Variants in KAT8 observed in about 807,000 individuals in gnomAD.
The protein encoded by KAT8 is lysine acetyltransferase 8, also known as histone acetyltransferase KAT8.
KAT8 carries 40 observed loss-of-function variants against 62.9 expected under a neutral mutation model. The ratio of observed to expected loss-of-function variants is 0.64; its 90% CI spans 0.49 to 0.83. The LOEUF (loss-of-function observed/expected upper bound fraction) is 0.83, where lower values mean the gene tolerates loss of function less well. Ranked by LOEUF, KAT8 falls within the 40% of genes least tolerant of loss-of-function variation. The pLI is 0.00. For synonymous variants in KAT8, 278 were observed against 254.5 expected, an observed-to-expected ratio of 1.09 and a Z score of -0.88; for missense variants, 387 against 614.8, an observed-to-expected ratio of 0.63 and a Z score of 3.92.
rs1410075876 is a variant in KAT8 at position 31,120,176 on chromosome 16, TC to T, written c.212-8del. 2 of 1,613,432 alleles carry T rather than the reference TC, an allele frequency of 1.2e-6. No individual in the cohort carries two copies. Among genetic ancestry groups the T allele is most frequent in the South Asian group, 1.1e-5 (1 of 91,056 alleles). On this transcript the variant is annotated splice_polypyrimidine_tract_variant and intron_variant, in intron 1 of 10. Coordinates refer to ENST00000219797, the MANE Select transcript of KAT8 (RefSeq NM_032188.3). ...ACCTTCCTGATGACCCTAGCCTTTT[TC>T]CATCACAGATTCTGCTGAAGTGATC...
At position 31,131,336 on chromosome 16, in the gene KAT8, T is replaced by G; in HGVS notation, c.*77T>G. The stretch of plus-strand genomic sequence containing the variant: ...ATATGTATAGACCTGTTTTGTCATT[T>G]TTTTAATAAAGTCAGTTCTGGTGGC... On this transcript the variant is annotated 3_prime_UTR_variant, in exon 11 of 11. Coordinates refer to ENST00000219797, the MANE Select transcript of KAT8 (RefSeq NM_032188.3). The G allele has an allele frequency of 6.4e-7, 1 of 1,551,902 alleles. No homozygotes were observed. The highest frequency in any genetic ancestry group is 1.1e-5 in the South Asian group (1 of 87,404).
At position 31,117,693 on chromosome 16, in the gene KAT8, G is replaced by C. The variant is rs183282395; in HGVS notation, c.12G>C (p.Gln4His). MAAQGAAAAVAAGT... is the reference protein window; with the variant it reads MAAHGAAAAVAAGT... ...CTTCCCTTCCCGCGATGGCGGCACAGGGAGCTGCTGCGGCGGTTGCGGCGG... is the reference window on the plus strand; with the variant it reads ...CTTCCCTTCCCGCGATGGCGGCACACGGAGCTGCTGCGGCGGTTGCGGCGG... Residue 4 changes from glutamine to histidine, a missense_variant, in exon 1 of 11, where the codon CAG (glutamine) becomes CAC (histidine). Physicochemically the swap from Gln to His is conservative, Grantham distance 24 (BLOSUM62 0). This residue lies in a region of KAT8 where 92 missense variants were observed against 78.8 expected (regional missense o/e 1.17). Coordinates refer to ENST00000219797, the MANE Select transcript of KAT8 (RefSeq NM_032188.3). 5.7e-6 allele frequency: 8 copies of C among 1,397,678 alleles called. No individual in the cohort carries two copies. In the East Asian group the frequency reaches 1.8e-4, roughly 32 times the overall value. 86.6% of individuals were successfully genotyped at this position (1,397,678 alleles called of 1,614,324 possible).
At chr16:31,119,055 C>A (rs2057473068) in intron 1 of KAT8, among the ~76,000 whole-genome samples, 1 of 151,908 alleles carries the variant, frequency 6.6e-6, no homozygotes, top group Non-Finnish European at 1.5e-5. Context: ...AGCTGTTATC[C>A]CTTTTCACAG....
At chr16:31,127,394 G>GT in intron 5 of KAT8, 41 bp downstream of exon 5, 1 of 1,607,740 alleles carries the variant, frequency 6.2e-7, no homozygotes, top group Non-Finnish European at 8.5e-7. Context: ...CAGGGGCCCG[G>GT]TGAGAGGCAG....
At chr16:31,123,417 ATGTT>A (rs1203643418) in intron 3 of KAT8, among the ~76,000 whole-genome samples, 2 of 151,496 alleles carry the variant, frequency 1.3e-5, no homozygotes, top group Non-Finnish European at 2.9e-5. Context: ...GGGTTTCACT[ATGTT>A]TGGCCTCAAA....
At chr16:31,128,197 G>A in intron 6 of KAT8, 58 bp downstream of exon 6, 2 of 1,318,590 alleles carry the variant, frequency 1.5e-6, no homozygotes, top group Non-Finnish European at 2.2e-6. Context: ...CCTCCCAGAT[G>A]ATCCTCATCA....
intron 1 of KAT8, among the ~76,000 whole-genome samples, chr16:31,119,037 C>G (rs2057472964): frequency 6.6e-6 from 1 of 152,146 alleles, no homozygotes; most frequent in Non-Finnish European, 1.5e-5. Context: ...GCATGAGCCA[C>G]TGTGCCCAGC....
chr16:31,118,150 C>A, intron 1 of KAT8: 1 of 381,678 alleles, frequency 2.6e-6, no homozygotes, highest in East Asian at 3.8e-5. Flanking sequence ...GTTCCCATTC[C>A]ACTTCCTTGC....
intron 3 of KAT8, among the ~76,000 whole-genome samples, chr16:31,121,782 T>C (rs1399976617): frequency 6.6e-6 from 1 of 152,090 alleles, no homozygotes; most frequent in Non-Finnish European, 1.5e-5. Flanking sequence ...AGACAGCGTC[T>C]TACTCTATCG....
At chr16:31,125,622 AAAAG>A (rs2057526989) in intron 3 of KAT8, 3 of 152,854 alleles carry the variant, frequency 2.0e-5, no homozygotes, top group Admixed American at 6.5e-5. Context: ...AAAAAAAAAA[AAAAG>A]AAATAACACT....
Position 31,130,476 on chromosome 16 carries a change from G to A in KAT8, c.1027G>A (p.Glu343Lys). The change falls in exon 9 of 11, where the codon GAG (glutamate) becomes AAG (lysine). Residue 343 changes from glutamate to lysine, a missense_variant. Around this residue, in one of 6 missense-constraint regions of KAT8, gnomAD observed 141 missense variants for 222.5 expected, o/e 0.63. Coordinates refer to ENST00000219797, the MANE Select transcript of KAT8 (RefSeq NM_032188.3). Reference sequence around the variant, plus strand: ...GCCAGGTTATGAGCTCTCCAAGCTGGAGAGCACAGTCGGCTCCCCGGAGAA... The same window carrying A: ...GCCAGGTTATGAGCTCTCCAAGCTGAAGAGCACAGTCGGCTCCCCGGAGAA... ...IAFSYELSKL[E>K]STVGSPEKPL... The A allele has an allele frequency of 6.2e-7, 1 of 1,614,100 alleles. No individual in the cohort carries two copies. Among genetic ancestry groups the A allele is most frequent in the South Asian group, 1.1e-5 (1 of 91,080 alleles).
intron 3 of KAT8, among the ~76,000 whole-genome samples, chr16:31,124,804 A>G (rs997849864): frequency 2.7e-5 from 4 of 148,432 alleles, no homozygotes; most frequent in African/African-American, 9.9e-5. Flanking sequence ...AGGTGGGTGG[A>G]TCATCTGAAG....
rs1406264850 is a variant in KAT8 at position 31,120,505 on chromosome 16, T to C, written c.453T>C (p.His151=). Residue 151 remains histidine, a synonymous_variant, in exon 3 of 11, where the codon CAT becomes CAC. Transcript: ENST00000219797. ...NQKRKHDEIN[H]VQKTYAEMDP... is the part of the protein sequence containing the mutation. ...AGCGCAAGCATGATGAGATCAACCA[T>C]GTGCAGAAGGTCCGGATCCCTTCCC... 10 of 1,605,728 alleles carry C rather than the reference T, an allele frequency of 6.2e-6. No homozygotes were observed. The highest frequency in any genetic ancestry group is 1.3e-5 in the African/African-American group (1 of 74,908).
intron 6 of KAT8, among the ~76,000 whole-genome samples, chr16:31,129,217 G>A (rs1242782671): frequency 5.9e-5 from 9 of 152,148 alleles, no homozygotes; most frequent in African/African-American, 1.7e-4. Context: ...TGTTATTATC[G>A]GTGACCTCTT....
intron 5 of KAT8, 52 bp downstream of exon 5, chr16:31,127,405 A>AG: frequency 6.3e-7 from 1 of 1,599,822 alleles, no homozygotes; most frequent in Non-Finnish European, 8.5e-7. Context: ...TGAGAGGCAG[A>AG]GGCAGGCATG....
chr16:31,128,173 G>A (rs1446217875), intron 6 of KAT8, 34 bp downstream of exon 6: 2 of 1,533,388 alleles, frequency 1.3e-6, no homozygotes, highest in Non-Finnish European at 1.8e-6. Context: ...GAGAGGCCGG[G>A]GAGGCCCTGG....
chr16:31,117,981 A>G (rs1285464515), intron 1 of KAT8, 89 bp downstream of exon 1: 47 of 986,940 alleles, frequency 4.8e-5, no homozygotes, highest in South Asian at 4.4e-4. Flanking sequence ...AGTGAGGCCA[A>G]GATCCGGGGG....
At chr16:31,122,327 GT>G in intron 3 of KAT8, 1 of 152,286 alleles carries the variant, frequency 6.6e-6, no homozygotes, top group East Asian at 1.9e-4. Context: ...GATTCCTCTT[GT>G]TCCAGCCTTA....
At position 31,131,232 on chromosome 16, in the gene KAT8, C is replaced by A. The variant is rs1439360111; in HGVS notation, c.1350C>A (p.His450Gln). 1.2e-6 allele frequency: 2 copies of A among 1,614,056 alleles called. No homozygotes were observed. Among genetic ancestry groups the A allele is most frequent in the African/African-American group, 2.7e-5 (2 of 74,940 alleles). The change falls in exon 11 of 11, where the codon CAC becomes CAA. Residue 450 changes from histidine (H) to glutamine (Q), a missense_variant. Transcript: ENST00000219797. The part of the protein sequence containing the change: ...SVCLKWAPPK[H>Q]KQVKLSKK The stretch of plus-strand genomic sequence containing the variant: ...GCCTCAAGTGGGCACCCCCCAAGCA[C>A]AAGCAAGTCAAGCTCTCCAAGAAGT...
Sources: allele counts gnomAD v4.1 joint callset (sites outside exome capture counted in the v4.1 genomes callset), GRCh38; gene constraint gnomAD v4.1.1; regional missense constraint gnomAD v4.1.1; transcripts MANE v1.5; gene names NCBI Gene and HGNC (gene_info 2026-07-23, HGNC 2026-07-21).